VSTM1: variants seen among roughly 807,000 people sequenced by gnomAD.
The protein encoded by VSTM1 is V-set and transmembrane domain-containing protein 1.
Under a neutral mutation model 33.1 loss-of-function variants are expected in VSTM1, and 27 were observed. The observed-to-expected ratio is 0.82, with a 90% confidence interval of 0.60 to 1.12. The LOEUF (loss-of-function observed/expected upper bound fraction) is 1.12. Among genes scored for constraint, VSTM1 ranks in the 50% most tolerant of loss-of-function variants. The pLI is 0.00. For synonymous variants in VSTM1, 115 were observed against 110.3 expected, an observed-to-expected ratio of 1.04 and a Z score of -0.27; for missense variants, 304 against 288.9, an observed-to-expected ratio of 1.05 and a Z score of -0.38.
chr19:54,042,837 T>TATATATATACACAC, intron 4 of VSTM1, among the ~76,000 whole-genome samples: 1 of 66,414 alleles, frequency 1.5e-5, no homozygotes, highest in South Asian at 4.0e-4. Context: ...TATATATATA[T>TATATATATACACAC]ACATATATAT....
chr19:54,057,407 T>C (rs536082000), intron 3 of VSTM1, among the ~76,000 whole-genome samples: 1 of 150,168 alleles, frequency 6.7e-6, no homozygotes, highest in South Asian at 2.1e-4. Context: ...CCCAGCTACT[T>C]GGGAGGCTGA....
intron 4 of VSTM1, among the ~76,000 whole-genome samples, chr19:54,050,897 C>A (rs1208840348): frequency 6.6e-6 from 1 of 151,824 alleles, no homozygotes; most frequent in Non-Finnish European, 1.5e-5. Context: ...GAGGCCGAGG[C>A]AGGAGAATTG....
Position 54,047,667 on chromosome 19 carries a change from T to G in VSTM1, c.394+3743A>C, listed in dbSNP as rs114817276. Among the ~76,000 whole-genome samples the G allele has an allele frequency of 8.9e-3, 1,363 of 152,296 alleles. 20 individuals are homozygous for G. The highest frequency in any genetic ancestry group is 0.031 in the African/African-American group (1,304 of 41,562). ...GAACAGCTGCTCCTGGACTCTCAGT[T>G]TCCCCAGATGGAAGCAGAGAAACAG... is the stretch of plus-strand genomic sequence containing the variant. On this transcript the variant is annotated intron_variant, in intron 4 of 8. Transcript: ENST00000338372.
chr19:54,045,206 T>C lies in VSTM1; in HGVS notation c.395-2837A>G, dbSNP rs540438065. 2.0e-5 allele frequency among the ~76,000 whole-genome samples: 3 copies of C among 152,336 alleles called. No homozygotes were observed. In the East Asian group the frequency reaches 5.8e-4, roughly 29 times the overall value. ...TATATATAGAGAATTACCTATCTAA[T>C]TTATCTATCTCGCTAATCTATCTAC... On this transcript the variant is annotated intron_variant, in intron 4 of 8. Transcript: ENST00000338372.
chr19:54,058,987 CT>C (rs2071251392), intron 1 of VSTM1, among the ~76,000 whole-genome samples: 1 of 148,674 alleles, frequency 6.7e-6, no homozygotes, highest in South Asian at 2.1e-4. Flanking sequence ...CCAGACTTAC[CT>C]CTTACTTTTG....
intron 3 of VSTM1, among the ~76,000 whole-genome samples, chr19:54,055,232 A>G (rs928833211): frequency 7.1e-6 from 1 of 140,344 alleles, no homozygotes; most frequent in Non-Finnish European, 1.6e-5. Flanking sequence ...TACATCCCTC[A>G]TAGAGCACTG....
In VSTM1 at chr19:54,056,209, C is replaced by CT. The variant is rs879970929; in HGVS notation, c.355+2096dup. Among the ~76,000 whole-genome samples the CT allele has an allele frequency of 8.4e-3, 387 of 46,262 alleles. 14 individuals carry two copies. The highest frequency in any genetic ancestry group is 0.011 in the Non-Finnish European group (223 of 21,234). The allele number at this position is 46,262 out of a possible 152,430, so 30.3% of individuals were successfully genotyped here. ...TTCTTTTCTTTCTTTCTTTTCTTTTCTTTTCTTTTTTTTTTTTTTTTTTTT... is the reference window on the plus strand; with the variant it reads ...TTCTTTTCTTTCTTTCTTTTCTTTTCTTTTTCTTTTTTTTTTTTTTTTTTTT... On this transcript the variant is annotated intron_variant, in intron 3 of 8. Coordinates refer to ENST00000338372, the MANE Select transcript of VSTM1 (RefSeq NM_198481.4).
At chr19:54,054,391 G>T (rs2070986085) in intron 3 of VSTM1, among the ~76,000 whole-genome samples, 1 of 142,414 alleles carries the variant, frequency 7.0e-6, no homozygotes, top group African/African-American at 2.6e-5. Context: ...CACCTTGTTG[G>T]AGTATCATTG....
At chr19:54,049,061 G>A (rs530629219) in intron 4 of VSTM1, among the ~76,000 whole-genome samples, 2 of 152,244 alleles carry the variant, frequency 1.3e-5, no homozygotes, top group African/African-American at 4.8e-5. Flanking sequence ...TCCAGCCTGG[G>A]CGACAGAGCA....
chr19:54,060,182 A>G (rs944948643), intron 1 of VSTM1, among the ~76,000 whole-genome samples: 5 of 151,890 alleles, frequency 3.3e-5, no homozygotes, highest in Admixed American at 1.3e-4. Flanking sequence ...CAATTCCAAT[A>G]GAGAGAATCT....
chr19:54,054,149 C>T (rs1404478136), intron 3 of VSTM1, among the ~76,000 whole-genome samples: 1 of 142,002 alleles, frequency 7.0e-6, no homozygotes, highest in Non-Finnish European at 1.6e-5. Flanking sequence ...GAAGGCTGAC[C>T]TGGAAAATCA....
At chr19:54,045,791 C>A (rs1482477399) in intron 4 of VSTM1, among the ~76,000 whole-genome samples, 4 of 152,084 alleles carry the variant, frequency 2.6e-5, no homozygotes, top group Non-Finnish European at 5.9e-5. Context: ...GTATATCTAT[C>A]TATCTATCTA....
chr19:54,062,865 A>G (rs2071464185), intron 1 of VSTM1, among the ~76,000 whole-genome samples: 1 of 152,172 alleles, frequency 6.6e-6, no homozygotes, highest in Non-Finnish European at 1.5e-5. Flanking sequence ...CCCGTGCACC[A>G]GGGAGGAACT....
intron 1 of VSTM1, 98 bp from the exon 2 acceptor site, chr19:54,058,830 T>TATAG: frequency 6.9e-6 from 4 of 580,630 alleles, no homozygotes; most frequent in Non-Finnish European, 1.1e-5. Flanking sequence ...GTCTGAGATA[T>TATAG]ATATATATAT....
In VSTM1 at chr19:54,040,888, C is replaced by T. The variant is rs1183770037; in HGVS notation, c.*73G>A. ...GACGAAGAGCAAGGAAACACAGTAT[C>T]TGCATCTCCAGATTTCCGATAACCT... On this transcript the variant is annotated 3_prime_UTR_variant, in exon 9 of 9. Transcript: ENST00000338372. 4 of 1,555,776 alleles carry T rather than the reference C, an allele frequency of 2.6e-6. No individual in the cohort carries two copies. Among genetic ancestry groups the T allele is most frequent in the East Asian group, 4.7e-5 (2 of 42,148 alleles).
chr19:54,041,672 G>T, intron 8 of VSTM1, 107 bp downstream of exon 8: 1 of 1,227,216 alleles, frequency 8.1e-7, no homozygotes, highest in Non-Finnish European at 1.1e-6. Flanking sequence ...AAGACCACAT[G>T]CGTGATAAAC....
intron 4 of VSTM1, among the ~76,000 whole-genome samples, chr19:54,047,304 T>G (rs34504554): frequency 0.32 from 48,276 of 151,228 alleles, 8,460 homozygotes; most frequent in Non-Finnish European, 0.4. Context: ...AGCAACAATT[T>G]TTTTTTTTTT....
At chr19:54,057,076 G>A (rs1289666194) in intron 3 of VSTM1, among the ~76,000 whole-genome samples, 3 of 139,224 alleles carry the variant, frequency 2.2e-5, no homozygotes, top group South Asian at 2.4e-4. Flanking sequence ...GGCTGGTCTC[G>A]AACTCCCGAC....
intron 4 of VSTM1, among the ~76,000 whole-genome samples, chr19:54,050,022 A>G: frequency 7.8e-6 from 1 of 127,612 alleles, no homozygotes; most frequent in African/African-American, 3.1e-5. Context: ...TTTTGGAGAC[A>G]GAGTCTCACT....
Sources: allele counts gnomAD v4.1 joint callset (sites outside exome capture counted in the v4.1 genomes callset), GRCh38; gene constraint gnomAD v4.1.1; transcripts MANE v1.5; gene names NCBI Gene and HGNC (gene_info 2026-07-23, HGNC 2026-07-21).